HSF2BP: variants seen among roughly 807,000 people sequenced by gnomAD.
The protein encoded by HSF2BP is heat shock factor 2-binding protein.
In HSF2BP, 35 loss-of-function variants were observed where a neutral mutation model predicts 35.0. That is an observed-to-expected ratio of 1.00 (90% CI 0.76 to 1.32). HSF2BP has a LOEUF of 1.32. Among genes scored for constraint, HSF2BP ranks in the 40% most tolerant of loss-of-function variants. HSF2BP has a pLI of 0.00. For missense variants in HSF2BP, 326 were observed against 321.7 expected (o/e 1.01, Z -0.10); for synonymous variants, 114 against 117.4 (o/e 0.97, Z 0.18).
At chr21:43,655,789 G>A (rs1336195261) in intron 3 of HSF2BP, among the ~76,000 whole-genome samples, 1 of 152,164 alleles carries the variant, frequency 6.6e-6, no homozygotes, top group African/African-American at 2.4e-5. Context: ...AAGGTACGGT[G>A]GATGAGAACT....
At chr21:43,634,770 G>A (rs1017814179) in intron 4 of HSF2BP, among the ~76,000 whole-genome samples, 3 of 152,146 alleles carry the variant, frequency 2.0e-5, no homozygotes, top group Admixed American at 1.3e-4. Flanking sequence ...TGTCAGCTCC[G>A]GGTTTTTAAT....
intron 7 of HSF2BP, among the ~76,000 whole-genome samples, chr21:43,613,304 A>G (rs2082232166): frequency 6.6e-6 from 1 of 152,134 alleles, no homozygotes; most frequent in Non-Finnish European, 1.5e-5. Flanking sequence ...GCTCCTAGAA[A>G]CCAAGACACT....
intron 8 of HSF2BP, among the ~76,000 whole-genome samples, chr21:43,576,902 T>A (rs1049537783): frequency 6.6e-6 from 1 of 152,226 alleles, no homozygotes; most frequent in Non-Finnish European, 1.5e-5. Context: ...GAAATTGTCA[T>A]TTTCATTGGT....
chr21:43,635,135 A>G (rs1267787617), intron 4 of HSF2BP, among the ~76,000 whole-genome samples: 2 of 152,200 alleles, frequency 1.3e-5, no homozygotes, highest in Admixed American at 6.5e-5. Flanking sequence ...AACATCAAAA[A>G]TAAGAATAAT....
At position 43,656,780 on chromosome 21, in the gene HSF2BP, G is replaced by A. The variant is rs770144834; in HGVS notation, c.37-43C>T. On this transcript the variant is annotated intron_variant, in intron 2 of 8. Coordinates refer to ENST00000291560, the MANE Select transcript of HSF2BP (RefSeq NM_007031.2). ...TCTTATTATATTTCTCTTCACATGA[G>A]AAAAAAAACAACAGCTCAAGTTAAC... 7.1e-6 allele frequency: 11 copies of A among 1,548,338 alleles called. No homozygotes were observed. In the African/African-American group the frequency reaches 1.1e-4, roughly 16 times the overall value.
At chr21:43,625,825 CA>C (rs1172378342) in intron 6 of HSF2BP, among the ~76,000 whole-genome samples, 1 of 152,114 alleles carries the variant, frequency 6.6e-6, no homozygotes, top group Non-Finnish European at 1.5e-5. Context: ...CCACCACAAA[CA>C]CAGGAAAACA....
intron 3 of HSF2BP, among the ~76,000 whole-genome samples, chr21:43,646,271 C>T (rs1043467036): frequency 6.6e-6 from 1 of 152,026 alleles, no homozygotes; most frequent in Non-Finnish European, 1.5e-5. Context: ...ATGACTTTCA[C>T]TGGAATTCTT....
At chr21:43,654,943 C>T (rs2082845492) in intron 3 of HSF2BP, among the ~76,000 whole-genome samples, 1 of 152,102 alleles carries the variant, frequency 6.6e-6, no homozygotes, top group African/African-American at 2.4e-5. Flanking sequence ...GCCAGAGAGA[C>T]TATGGGGAAA....
At chr21:43,622,261 AAGAAG>A (rs1169897947) in intron 6 of HSF2BP, among the ~76,000 whole-genome samples, 2 of 152,344 alleles carry the variant, frequency 1.3e-5, no homozygotes, top group South Asian at 2.1e-4. Flanking sequence ...AGCAAGAAAA[AAGAAG>A]AGGAGTTACA....
intron 6 of HSF2BP, among the ~76,000 whole-genome samples, chr21:43,620,428 TG>T (rs748130781): frequency 7.2e-5 from 11 of 152,222 alleles, no homozygotes; most frequent in Non-Finnish European, 1.6e-4. Flanking sequence ...CTGGGCACAG[TG>T]GCTCATGACT....
intron 3 of HSF2BP, among the ~76,000 whole-genome samples, chr21:43,648,769 A>C (rs961505874): frequency 6.6e-6 from 1 of 152,256 alleles, no homozygotes; most frequent in Non-Finnish European, 1.5e-5. Flanking sequence ...CCCCGTATCA[A>C]ACTCTCAGGA....
intron 6 of HSF2BP, among the ~76,000 whole-genome samples, chr21:43,617,005 AAGAG>A (rs2082279580): frequency 6.6e-6 from 1 of 152,112 alleles, no homozygotes; most frequent in Admixed American, 6.6e-5. Flanking sequence ...ATGAGGAAAG[AAGAG>A]AGAGAAAGAC....
intron 8 of HSF2BP, among the ~76,000 whole-genome samples, chr21:43,589,160 T>C (rs2081894570): frequency 6.6e-6 from 1 of 152,172 alleles, no homozygotes; most frequent in South Asian, 2.1e-4. Context: ...GGCTGAACTT[T>C]GCCCTAGAGG....
chr21:43,649,128 C>G (rs2082748300), intron 3 of HSF2BP, among the ~76,000 whole-genome samples: 2 of 152,138 alleles, frequency 1.3e-5, no homozygotes, highest in South Asian at 4.1e-4. Context: ...GATCTCAACT[C>G]ATTGTCACTT....
chr21:43,657,773 G>C (rs886740304), intron 2 of HSF2BP: 68 of 909,096 alleles, frequency 7.5e-5, no homozygotes, highest in Admixed American at 2.5e-4. Flanking sequence ...GCAGAGAAGA[G>C]AGTGACCATC....
intron 4 of HSF2BP, among the ~76,000 whole-genome samples, chr21:43,633,699 T>C (rs933387674): frequency 1.5e-4 from 23 of 152,180 alleles, no homozygotes; most frequent in African/African-American, 5.3e-4. Flanking sequence ...AGTAACTACA[T>C]GAAATATCTC....
At chr21:43,587,128 A>G (rs1365185171) in intron 8 of HSF2BP, among the ~76,000 whole-genome samples, 3 of 152,212 alleles carry the variant, frequency 2.0e-5, no homozygotes, top group Admixed American at 6.5e-5. Flanking sequence ...CTATTTTCCT[A>G]TTCTATAGTA....
intron 6 of HSF2BP, among the ~76,000 whole-genome samples, chr21:43,618,957 A>G (rs1395460181): frequency 1.3e-5 from 2 of 151,950 alleles, no homozygotes; most frequent in African/African-American, 2.4e-5. Flanking sequence ...AAAAAGAAAA[A>G]AAAAAAAGAA....
intron 5 of HSF2BP, among the ~76,000 whole-genome samples, chr21:43,632,469 TCA>T (rs781703480): frequency 7.2e-6 from 1 of 139,584 alleles, no homozygotes; most frequent in Non-Finnish European, 1.5e-5. Context: ...ACACACATGC[TCA>T]CACACACACG....
Sources: gnomAD v4.1 joint callset for allele counts (sites outside exome capture counted in the v4.1 genomes callset) on GRCh38, gnomAD v4.1.1 for gene constraint, MANE v1.5 for transcripts, NCBI Gene and HGNC (gene_info 2026-07-23, HGNC 2026-07-21) for gene names.